The following PFDN2 variants were observed in gnomAD, a reference collection of about 807,000 sequenced individuals.
The protein encoded by PFDN2 is prefoldin subunit 2.
PFDN2 carries 7 observed loss-of-function variants against 18.3 expected under a neutral mutation model. The ratio of observed to expected loss-of-function variants is 0.38; its 90% CI spans 0.22 to 0.72. The LOEUF (loss-of-function observed/expected upper bound fraction) is 0.72, where lower values mean the gene tolerates loss of function less well. Ranked by LOEUF, PFDN2 falls within the 30% of genes least tolerant of loss-of-function variation. PFDN2 has a pLI of 0.47. For missense variants in PFDN2, 181 were observed against 199.1 expected (o/e 0.91, Z 0.55); for synonymous variants, 76 against 75.0 (o/e 1.01, Z -0.07).
Position 161,102,073 on chromosome 1 carries a change from G to T in PFDN2, c.263C>A (p.Pro88His). 6.2e-7 allele frequency: 1 copy of T among 1,614,116 alleles called. No homozygotes were observed. Among genetic ancestry groups the T allele is most frequent in the Non-Finnish European group, 8.5e-7 (1 of 1,180,016 alleles). ...CTGCTCCTTGTTGTTCTCCAAAGCG[G>T]GCAGCACCTCTTTGACAGTTCGCTC... is the stretch of plus-strand genomic sequence containing the variant. ...LVERTVKEVL[P>H]ALENNKEQIQ... The change falls in exon 3 of 4, where the codon CCC becomes CAC. Residue 88 changes from proline to histidine, a missense_variant. Physicochemically the swap from Pro to His is moderately conservative, Grantham distance 77. Transcript: ENST00000368010.
intron 1 of PFDN2, among the ~76,000 whole-genome samples, chr1:161,115,512 T>C (rs1316102638): frequency 1.3e-5 from 2 of 152,208 alleles, no homozygotes; most frequent in Non-Finnish European, 2.9e-5. Context: ...CTGCTCAACA[T>C]TGTCGTGGCT....
At chr1:161,114,664 G>A (rs1442963481) in intron 1 of PFDN2, among the ~76,000 whole-genome samples, 1 of 152,170 alleles carries the variant, frequency 6.6e-6, no homozygotes, top group African/African-American at 2.4e-5. Context: ...GATGAGGTAG[G>A]TATTGTTATG....
intron 1 of PFDN2, among the ~76,000 whole-genome samples, chr1:161,103,265 C>T (rs1194604131): frequency 1.3e-5 from 2 of 152,084 alleles, no homozygotes; most frequent in Non-Finnish European, 2.9e-5. Context: ...TAGAGATGAC[C>T]TTCCATTCCT....
intron 1 of PFDN2, among the ~76,000 whole-genome samples, chr1:161,112,362 A>C (rs540202284): frequency 2.0e-5 from 3 of 152,332 alleles, no homozygotes; most frequent in South Asian, 4.1e-4. Context: ...AAGTGATCTT[A>C]TCTCTTCTAT....
intron 3 of PFDN2, among the ~76,000 whole-genome samples, chr1:161,101,576 A>T (rs184672712): frequency 6.6e-6 from 1 of 152,230 alleles, no homozygotes; most frequent in African/African-American, 2.4e-5. Context: ...GCATTTATAA[A>T]TTAGTCCTTC....
chr1:161,110,982 G>A (rs1242132826), intron 1 of PFDN2, among the ~76,000 whole-genome samples: 1 of 151,950 alleles, frequency 6.6e-6, no homozygotes, highest in Non-Finnish European at 1.5e-5. Flanking sequence ...TGGGACTACA[G>A]GCGCCCGCCA....
intron 1 of PFDN2, among the ~76,000 whole-genome samples, chr1:161,109,046 C>G (rs1304329029): frequency 6.6e-6 from 1 of 152,180 alleles, no homozygotes; most frequent in Non-Finnish European, 1.5e-5. Context: ...CTTCTCAATG[C>G]TCACAGGATA....
chr1:161,118,014 T>A lies in PFDN2; in HGVS notation c.13A>T (p.Ser5Cys). MAEN[S>C]GRAGKSSGSG... ...CCGCTGCTCTTGCCGGCGCGACCGC[T>A]GTTCTCCGCCATCTTCGCCGCCTGC... The change falls in exon 1 of 4, where the codon AGC becomes TGC. Residue 5 changes from serine to cysteine, a missense_variant. Coordinates refer to ENST00000368010, the MANE Select transcript of PFDN2 (RefSeq NM_012394.4). The A allele has an allele frequency of 6.2e-7, 1 of 1,612,154 alleles. No homozygotes were observed. Among genetic ancestry groups the A allele is most frequent in the Non-Finnish European group, 8.5e-7 (1 of 1,179,396 alleles).
intron 1 of PFDN2, among the ~76,000 whole-genome samples, chr1:161,106,564 T>C (rs1394947568): frequency 2.6e-5 from 4 of 152,178 alleles, no homozygotes; most frequent in African/African-American, 7.2e-5. Flanking sequence ...TAAGCACAGA[T>C]TGACACATCA....
intron 1 of PFDN2, among the ~76,000 whole-genome samples, chr1:161,110,989 G>A (rs925621638): frequency 2.2e-4 from 34 of 151,158 alleles, no homozygotes; most frequent in South Asian, 4.2e-4. Flanking sequence ...ACAGGCGCCC[G>A]CCAATGCGCC....
rs1053028148 is a variant in PFDN2, at chr1:161,108,576, C to A, written c.76-6201G>T. 5.5e-4 allele frequency among the ~76,000 whole-genome samples: 81 copies of A among 146,948 alleles called. No homozygotes were observed. The Middle Eastern group carries it at 0.011, about 19-fold the overall frequency. On this transcript the variant is annotated intron_variant, in intron 1 of 3. Transcript: ENST00000368010. ...TGAGACTCCATCTCAAAAAAAAAAA[C>A]AAAAAACAAAAAAAACCTCTGGACA...
At chr1:161,111,394 T>A (rs1163286665) in intron 1 of PFDN2, among the ~76,000 whole-genome samples, 2 of 152,342 alleles carry the variant, frequency 1.3e-5, no homozygotes, top group Admixed American at 6.5e-5. Flanking sequence ...GGGCAGGGTT[T>A]CTCAACATTG....
In PFDN2 at chr1:161,100,851, C is replaced by G. The variant is rs751832124; in HGVS notation, c.297G>C (p.Lys99Asn). 1.2e-6 allele frequency: 2 copies of G among 1,612,332 alleles called. No homozygotes were observed. Among genetic ancestry groups the G allele is most frequent in the East Asian group, 4.5e-5 (2 of 44,888 alleles). Residue 99 changes from lysine to asparagine, a missense_variant, in exon 4 of 4, where the codon AAG (lysine) becomes AAC (asparagine). By Grantham distance (94) the Lys-to-Asn change is moderately conservative (BLOSUM62 0). Coordinates refer to ENST00000368010, the MANE Select transcript of PFDN2 (RefSeq NM_012394.4). ...ALENNKEQIQKIIETLTQQLQ... is the reference protein window; with the variant it reads ...ALENNKEQIQNIIETLTQQLQ... ...GCTGCTGTGTCAGTGTCTCAATGAT[C>G]TTCTGTATCTAGAGGACAAGTGACA... is the stretch of plus-strand genomic sequence containing the variant.
intron 1 of PFDN2, among the ~76,000 whole-genome samples, chr1:161,108,905 C>T (rs1654743112): frequency 6.6e-6 from 1 of 152,206 alleles, no homozygotes; most frequent in Non-Finnish European, 1.5e-5. Flanking sequence ...AAATTAATTA[C>T]ATGTGTACTA....
At position 161,103,337 on chromosome 1, in the gene PFDN2, T is replaced by G. The variant is rs1055361882; in HGVS notation, c.76-962A>C. On this transcript the variant is annotated intron_variant, in intron 1 of 3. Transcript: ENST00000368010. Reference sequence around the variant, plus strand: ...CTTTGTTCAGTCTAGTTATTTAGCCTTCTTTTTCATTCTGTTCAATTCTGT... The same window carrying G: ...CTTTGTTCAGTCTAGTTATTTAGCCGTCTTTTTCATTCTGTTCAATTCTGT... Among the ~76,000 whole-genome samples the G allele has an allele frequency of 3.9e-5, 6 of 152,020 alleles. 1 individual carries two copies. Among genetic ancestry groups the G allele is most frequent in the Non-Finnish European group, 1.5e-5 (1 of 68,010 alleles).
chr1:161,101,177 ATTTTTATTTTTTCAT>A lies in PFDN2; in HGVS notation c.289-333_289-319del, dbSNP rs1654549492. Among the ~76,000 whole-genome samples the A allele has an allele frequency of 2.7e-5, 4 of 150,364 alleles. No homozygotes were observed. The South Asian group carries it at 6.3e-4, about 24-fold the overall frequency. On this transcript the variant is annotated intron_variant, in intron 3 of 3. Transcript: ENST00000368010. ...GCGCTAGGAATACAGGCATGAGCTT[ATTTTTATTTTTTCAT>A]TTTTTATTTTTAATATTTTTTTTTT... is the stretch of plus-strand genomic sequence containing the variant.
chr1:161,111,439 C>A (rs1571187964), intron 1 of PFDN2, among the ~76,000 whole-genome samples: 2 of 152,138 alleles, frequency 1.3e-5, no homozygotes, highest in African/African-American at 4.8e-5. Flanking sequence ...TCATTCTTTG[C>A]TAGGAGGGCT....
At chr1:161,114,378 T>C (rs141255454) in intron 1 of PFDN2, among the ~76,000 whole-genome samples, 60 of 152,356 alleles carry the variant, frequency 3.9e-4, no homozygotes, top group Admixed American at 6.5e-4. Context: ...ATTCAAGTTC[T>C]GTAATCCACC....
At chr1:161,116,731 G>A (rs2101709686) in intron 1 of PFDN2, among the ~76,000 whole-genome samples, 1 of 152,126 alleles carries the variant, frequency 6.6e-6, no homozygotes, top group South Asian at 2.1e-4. Context: ...TGGGCGTGGT[G>A]GTGCGGGCAT....
Sources: allele counts gnomAD v4.1 joint callset (sites outside exome capture counted in the v4.1 genomes callset), GRCh38; gene constraint gnomAD v4.1.1; transcripts MANE v1.5; gene names NCBI Gene and HGNC (gene_info 2026-07-23, HGNC 2026-07-21).